PDE4D: variants seen among roughly 807,000 people sequenced by gnomAD.
The protein encoded by PDE4D is 3',5'-cyclic-AMP phosphodiesterase 4D.
A neutral mutation model predicts 87.4 loss-of-function variants in PDE4D; 24 were observed. That is an observed-to-expected ratio of 0.27 (90% CI 0.20 to 0.39). PDE4D has a LOEUF of 0.39. PDE4D is among the 10% of genes least tolerant of loss of function. The probability of loss-of-function intolerance (pLI) is 1.00; values close to 1 mark genes in which losing one functional copy is unlikely to be tolerated. For missense variants in PDE4D, 714 were observed against 1,041.0 expected, an observed-to-expected ratio of 0.69 and a Z score of 4.32; for synonymous variants, 384 against 383.2, an observed-to-expected ratio of 1.00 and a Z score of -0.02.
chr5:60,460,507 T>C (rs1316463006), intron 1 of PDE4D: 11 of 1,510,528 alleles, frequency 7.3e-6, no homozygotes, highest in Non-Finnish European at 1.0e-5. Flanking sequence ...AAAAAATGGT[T>C]GGCAGAGTTT....
intron 5 of PDE4D, among the ~76,000 whole-genome samples, chr5:59,147,640 CTT>C (rs1235461062): frequency 2.6e-5 from 4 of 152,302 alleles, no homozygotes; most frequent in African/African-American, 7.2e-5. Flanking sequence ...TCTTTCAACA[CTT>C]TAATTAAATG....
At chr5:59,289,878 C>T (rs1429403794) in intron 1 of PDE4D, among the ~76,000 whole-genome samples, 2 of 151,840 alleles carry the variant, frequency 1.3e-5, no homozygotes, top group Non-Finnish European at 2.9e-5. Flanking sequence ...TTTCTACATG[C>T]CAACAGTGAA....
intron 1 of PDE4D, among the ~76,000 whole-genome samples, chr5:59,760,014 T>C (rs1360373950): frequency 1.3e-5 from 2 of 152,230 alleles, no homozygotes; most frequent in Non-Finnish European, 2.9e-5. Flanking sequence ...ATCTACTCAG[T>C]TGTTTGTGTG....
chr5:59,507,508 A>C (rs942381600), intron 1 of PDE4D, among the ~76,000 whole-genome samples: 4 of 151,264 alleles, frequency 2.6e-5, no homozygotes, highest in Non-Finnish European at 5.9e-5. Context: ...CAAAAAAATA[A>C]AATAAAATTA....
intron 1 of PDE4D, among the ~76,000 whole-genome samples, chr5:60,519,649 C>T (rs1257372176): frequency 1.3e-5 from 2 of 152,208 alleles, no homozygotes; most frequent in African/African-American, 2.4e-5. Flanking sequence ...AACTTAGAGG[C>T]TGAGTGTCTC....
At chr5:59,082,618 C>T (rs182566578) in intron 5 of PDE4D, among the ~76,000 whole-genome samples, 22 of 151,732 alleles carry the variant, frequency 1.4e-4, no homozygotes, top group Middle Eastern at 3.2e-3. Flanking sequence ...AAATAAACAA[C>T]GAAAAATGTA....
At chr5:60,491,842 T>TTCACTGAGAGG (rs1749550530), upstream of PDE4D, among the ~76,000 whole-genome samples, 1 of 152,148 alleles carries the variant, frequency 6.6e-6, no homozygotes, top group Non-Finnish European at 1.5e-5. Flanking sequence ...GCAAGCTACT[T>TTCACTGAGAGG]AACAGCATTA....
In PDE4D at chr5:59,002,246, C is replaced by T. The variant is rs144451616; in HGVS notation, c.922-8781G>A. Among the ~76,000 whole-genome samples the T allele has an allele frequency of 3.2e-3, 487 of 152,212 alleles. 5 individuals are homozygous for T. The highest frequency in any genetic ancestry group is 2.8e-3 in the Non-Finnish European group (193 of 67,998). The stretch of plus-strand genomic sequence containing the variant: ...GAATTGCAAGTTTAAATCTTTTGTG[C>T]ACAATCACTGACAAATAATCTTTTT... On this transcript the variant is annotated intron_variant, in intron 6 of 14. Transcript: ENST00000340635.
rs767287011 is a variant in PDE4D, at chr5:59,243,448, C to CTTTTTTT, written c.456-27487_456-27481dup. 4.0e-4 allele frequency among the ~76,000 whole-genome samples: 29 copies of CTTTTTTT among 72,304 alleles called. 3 individuals are homozygous for CTTTTTTT. The highest frequency in any genetic ancestry group is 1.0e-3 in the African/African-American group (16 of 16,052). 47.4% of individuals were successfully genotyped at this position (72,304 alleles called of 152,430 possible). A position where few individuals can be genotyped will look rare whatever the true frequency, so the allele number is the denominator to read the frequency against. On this transcript the variant is annotated intron_variant, in intron 1 of 14. Coordinates refer to ENST00000340635, the MANE Select transcript of PDE4D (RefSeq NM_001104631.2). The stretch of plus-strand genomic sequence containing the variant: ...TCACTATACAATTTCTTAAAATAAC[C>CTTTTTTT]TTTTTTTTTTTTTTTTTTTTTTTTT...
At chr5:59,476,983 A>G (rs1490885609) in intron 1 of PDE4D, among the ~76,000 whole-genome samples, 1 of 152,038 alleles carries the variant, frequency 6.6e-6, no homozygotes, top group African/African-American at 2.4e-5. Context: ...CAGAGATAAT[A>G]GTAACACATG....
chr5:60,285,466 A>C (rs1166129390), intron 1 of PDE4D, among the ~76,000 whole-genome samples: 5 of 152,098 alleles, frequency 3.3e-5, no homozygotes, highest in African/African-American at 4.8e-5. Flanking sequence ...AACAAACAAA[A>C]AAAAAACCTG....
At chr5:59,862,880 G>A (rs372421504) in intron 1 of PDE4D, among the ~76,000 whole-genome samples, 7 of 152,124 alleles carry the variant, frequency 4.6e-5, no homozygotes, top group Non-Finnish European at 8.8e-5. Context: ...AAAGGGCAAC[G>A]GAAAATTACA....
intron 1 of PDE4D, among the ~76,000 whole-genome samples, chr5:59,425,326 A>G (rs1212173390): frequency 6.6e-6 from 1 of 152,196 alleles, no homozygotes; most frequent in Non-Finnish European, 1.5e-5. Flanking sequence ...ATTGATTCAC[A>G]TAAGGTTTTT....
At chr5:59,155,053 A>G (rs1359217381) in intron 5 of PDE4D, among the ~76,000 whole-genome samples, 2 of 152,222 alleles carry the variant, frequency 1.3e-5, no homozygotes, top group African/African-American at 4.8e-5. Context: ...TTGGATATCA[A>G]TGGACATTGG....
chr5:60,142,789 A>G (rs1780650752), intron 2 of PDE4D, among the ~76,000 whole-genome samples: 1 of 152,176 alleles, frequency 6.6e-6, no homozygotes, highest in South Asian at 2.1e-4. Flanking sequence ...ATGCCATCAG[A>G]TCTTTGGCCA....
chr5:59,174,294 T>C (rs1179691866), intron 5 of PDE4D: 1 of 147,394 alleles, frequency 6.8e-6, no homozygotes, highest in Non-Finnish European at 1.5e-5. Flanking sequence ...TTACTGTTTT[T>C]AATGAAGCCA....
intron 5 of PDE4D, among the ~76,000 whole-genome samples, chr5:59,065,057 GAT>G (rs149103045): frequency 1.5e-3 from 34 of 23,340 alleles, no homozygotes; most frequent in South Asian, 2.2e-3. Flanking sequence ...AAGGAAATGT[GAT>G]ATATATATAC....
At chr5:59,943,343 C>G (rs992322031) in intron 3 of PDE4D, among the ~76,000 whole-genome samples, 14 of 152,068 alleles carry the variant, frequency 9.2e-5, no homozygotes, top group Non-Finnish European at 1.8e-4. Flanking sequence ...CTTTGTCCTT[C>G]TGCTGTACTC....
intron 1 of PDE4D, among the ~76,000 whole-genome samples, chr5:59,314,977 C>A (rs1277676289): frequency 2.0e-5 from 3 of 152,130 alleles, no homozygotes; most frequent in East Asian, 3.9e-4. Context: ...GTAAAGCTAC[C>A]AGGAAGTTCA....
Sources: allele counts gnomAD v4.1 joint callset (sites outside exome capture counted in the v4.1 genomes callset), GRCh38; gene constraint gnomAD v4.1.1; transcripts MANE v1.5; gene names NCBI Gene and HGNC (gene_info 2026-07-23, HGNC 2026-07-21).